Variants in HTR3C observed in about 807,000 individuals in gnomAD.
HTR3C encodes 5-hydroxytryptamine receptor 3C.
Under a neutral mutation model 40.5 loss-of-function variants are expected in HTR3C, and 32 were observed. That is an observed-to-expected ratio of 0.79 (90% CI 0.60 to 1.06). The LOEUF (loss-of-function observed/expected upper bound fraction) is 1.06. Ranked by LOEUF, HTR3C falls within the 50% of genes least tolerant of loss-of-function variation. The probability of loss-of-function intolerance (pLI) is 0.00; values close to 1 mark genes in which losing one functional copy is unlikely to be tolerated. For missense variants in HTR3C, 523 were observed against 556.8 expected (o/e 0.94, Z 0.61); for synonymous variants, 209 against 217.1 (o/e 0.96, Z 0.33).
chr3:184,056,022 C>A (rs1306564115), intron 3 of HTR3C, among the ~76,000 whole-genome samples, 155 bp from the exon 4 acceptor site: 1 of 151,574 alleles, frequency 6.6e-6, no homozygotes, highest in Admixed American at 6.6e-5. Flanking sequence ...TCTGGTGACA[C>A]CTTGTTAAAT....
At chr3:184,059,020 C>G (rs1488844955) in intron 6 of HTR3C, among the ~76,000 whole-genome samples, 2 of 152,048 alleles carry the variant, frequency 1.3e-5, no homozygotes, top group Admixed American at 1.3e-4. Flanking sequence ...CACCTGCTCC[C>G]CACTGCCCCA....
chr3:184,055,033 G>A (rs6808122), intron 2 of HTR3C, 146 bp downstream of exon 2: 515,853 of 785,828 alleles, frequency 0.66, 172,596 homozygotes, highest in African/African-American at 0.86. Context: ...TTTCCTATGC[G>A]ATGGAGAGGC....
chr3:184,054,636 G>T, intron 1 of HTR3C, 85 bp from the exon 2 acceptor site: 1 of 1,222,468 alleles, frequency 8.2e-7, no homozygotes. Context: ...GCTCCTCTCA[G>T]TACGTCCCCT....
rs372897520 is a variant in HTR3C at position 184,054,877 on chromosome 3, T to G, written c.224T>G (p.Ile75Ser). The stretch of plus-strand genomic sequence containing the variant: ...AACATCTCCTTCACCCTGTCTGCCA[T>G]CCTGGGAGTGGTGAGACTTAGTCCC... ...RVNISFTLSAILGVDAQLQLL... is the reference protein window; with the variant it reads ...RVNISFTLSASLGVDAQLQLL... Residue 75 changes from isoleucine to serine, a missense_variant, in exon 2 of 9, where the codon ATC becomes AGC. Transcript: ENST00000318351. The G allele has an allele frequency of 1.5e-5, 24 of 1,605,368 alleles. No individual in the cohort carries two copies. The African/African-American group carries it at 3.1e-4, about 21-fold the overall frequency.
intron 4 of HTR3C, 64 bp downstream of exon 4, chr3:184,056,350 C>T (rs1266238027): frequency 1.8e-6 from 2 of 1,096,300 alleles, no homozygotes; most frequent in Non-Finnish European, 1.4e-6. Flanking sequence ...CTAGGGTCAG[C>T]ACAGGGCATG....
intron 2 of HTR3C, 92 bp from the exon 3 acceptor site, chr3:184,055,220 C>A: frequency 1.1e-6 from 1 of 885,256 alleles, no homozygotes; most frequent in Non-Finnish European, 1.9e-6. Context: ...AATGCCTGGC[C>A]CAATAAATTA....
rs142130329 is a variant in HTR3C at position 184,054,898 on chromosome 3, G to A, written c.234+11G>A. On this transcript the variant is annotated intron_variant, in intron 2 of 8. Coordinates refer to ENST00000318351, the MANE Select transcript of HTR3C (RefSeq NM_130770.3). ...GCCATCCTGGGAGTGGTGAGACTTA[G>A]TCCCTGCATCTTTTCCATGGCTTCT... 209 of 1,588,816 alleles carry A rather than the reference G, an allele frequency of 1.3e-4. No individual in the cohort carries two copies. Among genetic ancestry groups the A allele is most frequent in the Admixed American group, 1.6e-4 (9 of 55,838 alleles).
In HTR3C at chr3:184,054,870, T is replaced by C; in HGVS notation, c.217T>C (p.Ser73Pro). 1.2e-6 allele frequency: 2 copies of C among 1,606,686 alleles called. No homozygotes were observed. Among genetic ancestry groups the C allele is most frequent in the Non-Finnish European group, 1.7e-6 (2 of 1,176,892 alleles). The change falls in exon 2 of 9, where the codon TCT (serine) becomes CCT (proline). Residue 73 changes from serine to proline, a missense_variant. Ser to Pro is a moderately conservative substitution (Grantham distance 74, BLOSUM62 -1). Coordinates refer to ENST00000318351, the MANE Select transcript of HTR3C (RefSeq NM_130770.3). The part of the protein sequence containing the change: ...PTRVNISFTL[S>P]AILGVDAQLQ... ...CCGTGTCAACATCTCCTTCACCCTG[T>C]CTGCCATCCTGGGAGTGGTGAGACT... is the stretch of plus-strand genomic sequence containing the variant.
chr3:184,057,037 C>A lies in HTR3C; in HGVS notation c.552C>A (p.Leu184=). Residue 184 remains leucine, a synonymous_variant, in exon 5 of 9, where the codon CTC becomes CTA. Transcript: ENST00000318351. The part of the protein sequence containing the change: ...QNCTFTFSSF[L]YTVDSMLLGM... ...GTACCTTCACCTTCAGTTCTTTCCT[C>A]TACACAGGTAAGTGTGACACATTTT... 1.2e-6 allele frequency: 2 copies of A among 1,608,156 alleles called. No homozygotes were observed. Among genetic ancestry groups the A allele is most frequent in the Non-Finnish European group, 1.7e-6 (2 of 1,175,776 alleles).
Position 184,059,623 on chromosome 3 carries a change from G to C in HTR3C, c.908G>C (p.Ser303Thr), listed in dbSNP as rs1452739254. ...LLMMNDLLPA[S>T]GTPLISVYFA... The stretch of plus-strand genomic sequence containing the variant: ...ATGATGAATGACTTGCTCCCTGCCA[G>C]TGGCACCCCCCTCATCAGTATGGCT... The change falls in exon 7 of 9, where the codon AGT becomes ACT. Residue 303 changes from serine (S) to threonine (T), a missense_variant. By Grantham distance (58) the Ser-to-Thr change is moderately conservative. Coordinates refer to ENST00000318351, the MANE Select transcript of HTR3C (RefSeq NM_130770.3). 6 of 1,614,032 alleles carry C rather than the reference G, an allele frequency of 3.7e-6. No individual in the cohort carries two copies. The African/African-American group carries it at 6.7e-5, about 18-fold the overall frequency.
intron 4 of HTR3C, among the ~76,000 whole-genome samples, chr3:184,056,498 G>A (rs927503185): frequency 1.3e-5 from 2 of 152,302 alleles, no homozygotes; most frequent in Non-Finnish European, 1.5e-5. Flanking sequence ...TGTAATCCCA[G>A]CACTTTGGGA....
rs1385265852 is a variant in HTR3C at position 184,059,588 on chromosome 3, C to T, written c.873C>T (p.Val291=). 2 of 1,614,016 alleles carry T rather than the reference C, an allele frequency of 1.2e-6. No individual in the cohort carries two copies. Among genetic ancestry groups the T allele is most frequent in the East Asian group, 2.2e-5 (1 of 44,884 alleles). ...FKITLLLGYN[V]FLLMMNDLLP... ...TAACACTTCTGCTGGGCTACAACGT[C>T]TTCCTGCTCATGATGAATGACTTGC... Residue 291 remains valine (V), a synonymous_variant, in exon 7 of 9, where the codon GTC becomes GTT. Coordinates refer to ENST00000318351, the MANE Select transcript of HTR3C (RefSeq NM_130770.3).
intron 5 of HTR3C, among the ~76,000 whole-genome samples, chr3:184,057,483 C>A (rs2108972104): frequency 6.6e-6 from 1 of 152,120 alleles, no homozygotes; most frequent in South Asian, 2.1e-4. Flanking sequence ...GCCTGTAATC[C>A]CAGCACTTCG....
chr3:184,056,186 A>G lies in HTR3C; in HGVS notation c.289A>G (p.Asn97Asp), dbSNP rs1437371411. The G allele has an allele frequency of 6.2e-7, 1 of 1,611,708 alleles. No homozygotes were observed. The highest frequency in any genetic ancestry group is 1.1e-5 in the South Asian group (1 of 91,030). Residue 97 changes from asparagine (N) to aspartate (D), a missense_variant, in exon 4 of 9, where the codon AAT becomes GAT. By Grantham distance (23) the Asn-to-Asp change is conservative. Transcript: ENST00000318351. ...SFLWMDLVWDNPFINWNPKEC... is the reference protein window; with the variant it reads ...SFLWMDLVWDDPFINWNPKEC... Reference sequence around the variant, plus strand: ...CACTGCCCTGATGCAGGTATGGGACAATCCTTTCATTAATTGGAACCCAAA... The same window carrying G: ...CACTGCCCTGATGCAGGTATGGGACGATCCTTTCATTAATTGGAACCCAAA...
At position 184,055,413 on chromosome 3, in the gene HTR3C, G is replaced by A. The variant is rs73052475; in HGVS notation, c.279+57G>A. 3.6e-3 allele frequency: 4,804 copies of A among 1,326,910 alleles called. 130 individuals carry two copies. The African/African-American group carries it at 0.063, about 17-fold the overall frequency. 82.2% of individuals were successfully genotyped at this position (1,326,910 alleles called of 1,614,324 possible). A position where few individuals can be genotyped will look rare whatever the true frequency, so the allele number is the denominator to read the frequency against. On this transcript the variant is annotated intron_variant, in intron 3 of 8. Coordinates refer to ENST00000318351, the MANE Select transcript of HTR3C (RefSeq NM_130770.3). Reference sequence around the variant, plus strand: ...TCATTTATAATTTTAAGCCTGAGGAGTTAGAAGTGACTTAAAGGGGCCAGA... The same window carrying A: ...TCATTTATAATTTTAAGCCTGAGGAATTAGAAGTGACTTAAAGGGGCCAGA...
At position 184,060,365 on chromosome 3, in the gene HTR3C, CCT is replaced by C. The variant is rs764387324; in HGVS notation, c.*18_*19del. 1.2e-6 allele frequency: 2 copies of C among 1,614,122 alleles called. No homozygotes were observed. Among genetic ancestry groups the C allele is most frequent in the Admixed American group, 3.3e-5 (2 of 60,014 alleles). ...CTGGAACACCTAGGCAGACATCCCC[CCT>C]CTCTGGCAAACAACAGCTTGGAGTT... is the stretch of plus-strand genomic sequence containing the variant. On this transcript the variant is annotated 3_prime_UTR_variant, in exon 9 of 9. Coordinates refer to ENST00000318351, the MANE Select transcript of HTR3C (RefSeq NM_130770.3).
In HTR3C at chr3:184,058,547, T is replaced by C. The variant is rs775520051; in HGVS notation, c.680T>C (p.Met227Thr). 2 of 1,613,248 alleles carry C rather than the reference T, an allele frequency of 1.2e-6. No individual in the cohort carries two copies. The highest frequency in any genetic ancestry group is 2.2e-5 in the South Asian group (2 of 90,868). Residue 227 changes from methionine (M) to threonine (T), a missense_variant, in exon 6 of 9, where the codon ATG (methionine) becomes ACG (threonine). By Grantham distance (81) the Met-to-Thr change is moderately conservative. Transcript: ENST00000318351. ...LLGINKATPK[M>T]SMGNNLYDQI... The stretch of plus-strand genomic sequence containing the variant: ...GGCATCAACAAGGCCACCCCAAAGA[T>C]GTCCATGGGCAACAACCTATATGAC...
chr3:184,056,208 C>T lies in HTR3C; in HGVS notation c.311C>T (p.Pro104Leu), dbSNP rs1553797478. Reference protein sequence around the residue: ...VWDNPFINWNPKECVGINKLT... With the variant: ...VWDNPFINWNLKECVGINKLT... ...GACAATCCTTTCATTAATTGGAACC[C>T]AAAAGAGTGTGTTGGCATCAATAAA... is the stretch of plus-strand genomic sequence containing the variant. The change falls in exon 4 of 9, where the codon CCA becomes CTA. Residue 104 changes from proline (P) to leucine (L), a missense_variant. Transcript: ENST00000318351. The T allele has an allele frequency of 1.3e-5, 21 of 1,613,674 alleles. No homozygotes were observed. In the South Asian group the frequency reaches 2.2e-4, roughly 17 times the overall value.
chr3:184,058,525 A>G lies in HTR3C; in HGVS notation c.658A>G (p.Ile220Val), dbSNP rs1723377457. 18 of 1,613,766 alleles carry G rather than the reference A, an allele frequency of 1.1e-5. No homozygotes were observed. The highest frequency in any genetic ancestry group is 1.4e-5 in the Non-Finnish European group (17 of 1,179,850). The part of the protein sequence containing the change: ...QTQGEWELLG[I>V]NKATPKMSMG... ...CCAGGGGGAGTGGGAGCTCTTGGGCATCAACAAGGCCACCCCAAAGATGTC... is the reference window on the plus strand; with the variant it reads ...CCAGGGGGAGTGGGAGCTCTTGGGCGTCAACAAGGCCACCCCAAAGATGTC... The change falls in exon 6 of 9, where the codon ATC becomes GTC. Residue 220 changes from isoleucine to valine, a missense_variant. By Grantham distance (29) the Ile-to-Val change is conservative. Coordinates refer to ENST00000318351, the MANE Select transcript of HTR3C (RefSeq NM_130770.3).
Sources: gnomAD v4.1 joint callset for allele counts (sites outside exome capture counted in the v4.1 genomes callset) on GRCh38, gnomAD v4.1.1 for gene constraint, MANE v1.5 for transcripts, NCBI Gene and HGNC (gene_info 2026-07-23, HGNC 2026-07-21) for gene names.